Variants in MPP7 observed in about 807,000 individuals in gnomAD.
The protein encoded by MPP7 is MAGUK p55 subfamily member 7.
Under a neutral mutation model 76.5 loss-of-function variants are expected in MPP7, and 60 were observed. The observed-to-expected ratio is 0.78, with a 90% CI of 0.64 to 0.97. The LOEUF (loss-of-function observed/expected upper bound fraction) is 0.97. Ranked by LOEUF, MPP7 falls within the 50% of genes least tolerant of loss-of-function variation. The probability of loss-of-function intolerance (pLI) is 0.00; values close to 1 mark genes in which losing one functional copy is unlikely to be tolerated. For synonymous variants in MPP7, 237 were observed against 244.5 expected (o/e 0.97, Z 0.29); for missense variants, 641 against 694.0 (o/e 0.92, Z 0.86).
chr10:28,256,719 A>T (rs1839798711), intron 1 of MPP7, among the ~76,000 whole-genome samples: 1 of 152,202 alleles, frequency 6.6e-6, no homozygotes, highest in African/African-American at 2.4e-5. Context: ...CATTCTATTA[A>T]TTTTTTAAAA....
At chr10:28,160,695 T>C (rs2133821313) in intron 3 of MPP7, among the ~76,000 whole-genome samples, 1 of 152,336 alleles carries the variant, frequency 6.6e-6, no homozygotes, top group East Asian at 1.9e-4. Flanking sequence ...GCAGAACTCA[T>C]GGTGAACTAT....
chr10:28,332,701 A>C (rs966225367), intron 1 of MPP7, among the ~76,000 whole-genome samples: 5 of 152,120 alleles, frequency 3.3e-5, no homozygotes, highest in Non-Finnish European at 7.3e-5. Flanking sequence ...TCACTCTATT[A>C]CCCAGGCTAG....
At chr10:28,167,511 T>C (rs556065903) in intron 3 of MPP7, among the ~76,000 whole-genome samples, 60 of 152,262 alleles carry the variant, frequency 3.9e-4, no homozygotes, top group African/African-American at 1.2e-3. Context: ...AGAAGGCCTA[T>C]TGGATACTAT....
rs1851697658 is a variant in MPP7, at chr10:28,059,638, A to T, written c.1298+12T>A. On this transcript the variant is annotated intron_variant, in intron 14 of 16. Coordinates refer to ENST00000683449, the MANE Select transcript of MPP7 (RefSeq NM_001318170.2). ...AACAGTCACATGAAAATTCTCAAAA[A>T]TGTCCACATACTTGTTATTTTGTAC... 6.3e-7 allele frequency: 1 copy of T among 1,597,808 alleles called. No individual in the cohort carries two copies. Among genetic ancestry groups the T allele is most frequent in the Non-Finnish European group, 8.6e-7 (1 of 1,166,216 alleles).
chr10:28,119,969 T>C (rs897083348), intron 10 of MPP7, among the ~76,000 whole-genome samples: 3 of 152,140 alleles, frequency 2.0e-5, no homozygotes, highest in African/African-American at 7.2e-5. Context: ...AATGTGCTAT[T>C]TTCCATTTGC....
At chr10:28,285,336 C>A (rs1301034245) in intron 1 of MPP7, among the ~76,000 whole-genome samples, 6 of 152,156 alleles carry the variant, frequency 3.9e-5, no homozygotes, top group African/African-American at 1.4e-4. Flanking sequence ...AGGCAACACG[C>A]CACCACACCC....
chr10:28,148,589 T>C (rs1174842353), intron 4 of MPP7, among the ~76,000 whole-genome samples: 2 of 152,142 alleles, frequency 1.3e-5, no homozygotes, highest in African/African-American at 4.8e-5. Flanking sequence ...AATTATACAG[T>C]CATTAATTAC....
rs372713562 is a variant in MPP7, at chr10:28,114,426, CT to C, written c.952+5224del. ...GAGCCTGTCTCAAAAAAAGGAAAAC[CT>C]TTTTTTTTTTTAAAGAGAAAGATAA... On this transcript the variant is annotated intron_variant, in intron 11 of 16. Coordinates refer to ENST00000683449, the MANE Select transcript of MPP7 (RefSeq NM_001318170.2). Among the ~76,000 whole-genome samples, 516 of 144,184 alleles carry C rather than the reference CT, an allele frequency of 3.6e-3. 2 individuals are homozygous for C. The highest frequency in any genetic ancestry group is 9.4e-3 in the African/African-American group (372 of 39,624). 94.6% of individuals were successfully genotyped at this position (144,184 alleles called of 152,430 possible). A position where few individuals can be genotyped will look rare whatever the true frequency, so the allele number is the denominator to read the frequency against.
Position 28,131,552 on chromosome 10 carries a change from A to G in MPP7, c.447+8T>C. On this transcript the variant is annotated splice_region_variant and intron_variant, in intron 6 of 16. Transcript: ENST00000683449. ...GGTATCTACTCATATCTGAGCACCA[A>G]AACTCACCAGTGGTTCTCTATTTTT... The G allele has an allele frequency of 3.8e-6, 6 of 1,579,352 alleles. No individual in the cohort carries two copies. Among genetic ancestry groups the G allele is most frequent in the Non-Finnish European group, 5.2e-6 (6 of 1,159,270 alleles).
intron 1 of MPP7, among the ~76,000 whole-genome samples, chr10:28,276,401 T>G (rs1483019710): frequency 1.3e-5 from 2 of 152,152 alleles, no homozygotes; most frequent in South Asian, 2.1e-4. Flanking sequence ...ATTAATAAAT[T>G]TTAGCATTGG....
intron 5 of MPP7, among the ~76,000 whole-genome samples, chr10:28,144,342 C>G (rs1835632946): frequency 6.6e-6 from 1 of 152,022 alleles, no homozygotes; most frequent in South Asian, 2.1e-4. Flanking sequence ...CTCACGATTT[C>G]AGGTGTGGCC....
chr10:28,309,982 G>A (rs1841280676), intron 2 of MPP7, among the ~76,000 whole-genome samples: 1 of 150,798 alleles, frequency 6.6e-6, no homozygotes, highest in South Asian at 2.1e-4. Context: ...TGCAGAACTG[G>A]GAGCCAATGC....
chr10:28,146,548 C>A (rs1486221639), intron 5 of MPP7, among the ~76,000 whole-genome samples: 1 of 151,468 alleles, frequency 6.6e-6, no homozygotes, highest in East Asian at 1.9e-4. Context: ...ACTACAGGCG[C>A]CCGCCACATG....
intron 6 of MPP7, among the ~76,000 whole-genome samples, chr10:28,130,583 T>G (rs1835160755): frequency 6.6e-6 from 1 of 152,228 alleles, no homozygotes; most frequent in African/African-American, 2.4e-5. Context: ...TTTGCCTACT[T>G]CTGATTCTCA....
chr10:28,236,556 C>T (rs1467129624), intron 2 of MPP7: 1 of 151,582 alleles, frequency 6.6e-6, no homozygotes, highest in African/African-American at 2.4e-5. Context: ...TTACAGGCTA[C>T]TTATCAAACG....
intron 12 of MPP7, among the ~76,000 whole-genome samples, 171 bp from the exon 13 acceptor site, chr10:28,070,023 T>C (rs1852163884): frequency 6.6e-6 from 1 of 152,214 alleles, no homozygotes. Context: ...ATTTCTTTTG[T>C]TGCTTTTTTA....
intron 11 of MPP7, among the ~76,000 whole-genome samples, chr10:28,114,016 C>A (rs1834585123): frequency 6.6e-6 from 1 of 152,168 alleles, no homozygotes; most frequent in Non-Finnish European, 1.5e-5. Flanking sequence ...CAGCTCCTCT[C>A]TCCAGTGTTA....
At chr10:28,238,430 G>C (rs1044228570) in intron 2 of MPP7, 138 bp downstream of exon 2, 1 of 858,320 alleles carries the variant, frequency 1.2e-6, no homozygotes, top group African/African-American at 1.7e-5. Context: ...GCATCCCTGA[G>C]TTGATCTTAT....
chr10:28,123,988 GATTTT>G (rs751900278), intron 8 of MPP7, 38 bp downstream of exon 8: 2 of 1,304,158 alleles, frequency 1.5e-6, no homozygotes, highest in African/African-American at 2.9e-5. Flanking sequence ...ACAGTGATTC[GATTTT>G]ATTTTTATTG....
Sources: gnomAD v4.1 joint callset for allele counts (sites outside exome capture counted in the v4.1 genomes callset) on GRCh38, gnomAD v4.1.1 for gene constraint, MANE v1.5 for transcripts, NCBI Gene and HGNC (gene_info 2026-07-23, HGNC 2026-07-21) for gene names.